UTP20: variants seen among roughly 807,000 people sequenced by gnomAD.
UTP20 encodes the protein small subunit processome component 20 homolog.
UTP20 carries 164 observed loss-of-function variants against 329.5 expected under a neutral mutation model. The ratio of observed to expected loss-of-function variants is 0.50; its 90% CI spans 0.44 to 0.57. The LOEUF is 0.57. Among genes scored for constraint, UTP20 ranks in the 20% least tolerant of loss-of-function variants. The pLI, the probability that UTP20 is intolerant of heterozygous loss-of-function variation, is 0.00. For missense variants in UTP20, 3,055 were observed against 3,284.2 expected (o/e 0.93, Z 1.71); for synonymous variants, 1,151 against 1,159.3 (o/e 0.99, Z 0.14).
At chr12:101,308,155 T>C in intron 17 of UTP20, 30 bp from the exon 18 acceptor site, 1 of 1,492,488 alleles carries the variant, frequency 6.7e-7, no homozygotes, top group Non-Finnish European at 8.9e-7. Context: ...TACTGACTGG[T>C]CTTCTCCATG....
rs1472573086 is a variant in UTP20, at chr12:101,338,112, G to A, written c.3703G>A (p.Val1235Ile). The change falls in exon 30 of 62, where the codon GTT becomes ATT. Residue 1235 changes from valine (V) to isoleucine (I), a missense_variant. By Grantham distance (29) the Val-to-Ile change is conservative. Around this residue, in one of 3 missense-constraint regions of UTP20, gnomAD observed 2,445 missense variants for 2,575.5 expected, o/e 0.95. Transcript: ENST00000261637. ...GHPECDILTNVFAILSAKNLS... is the reference protein window; with the variant it reads ...GHPECDILTNIFAILSAKNLS... ...CCCAGAATGTGATATCCTGACCAAT[G>A]TTTTTGCAATTCTCTCAGCGAAGAA... The A allele has an allele frequency of 6.8e-6, 11 of 1,614,160 alleles. No individual in the cohort carries two copies. Among genetic ancestry groups the A allele is most frequent in the African/African-American group, 5.3e-5 (4 of 75,054 alleles).
intron 17 of UTP20, among the ~76,000 whole-genome samples, chr12:101,307,171 C>T (rs1872662074): frequency 6.7e-6 from 1 of 148,264 alleles, no homozygotes. Flanking sequence ...GAGCGAGACT[C>T]CGTCTCAAAA....
At chr12:101,350,882 G>A (rs541402708) in intron 38 of UTP20, among the ~76,000 whole-genome samples, 2 of 152,204 alleles carry the variant, frequency 1.3e-5, no homozygotes, top group East Asian at 3.9e-4. Flanking sequence ...GCTTTCCTCT[G>A]TGCAGCTCTC....
At chr12:101,305,398 G>A (rs1295945487) in intron 15 of UTP20, among the ~76,000 whole-genome samples, 2 of 151,552 alleles carry the variant, frequency 1.3e-5, no homozygotes, top group Non-Finnish European at 2.9e-5. Context: ...ACTTGCCTGA[G>A]GTTACACTGC....
chr12:101,297,494 T>C (rs1292294745), intron 12 of UTP20, among the ~76,000 whole-genome samples: 3 of 152,198 alleles, frequency 2.0e-5, no homozygotes, highest in African/African-American at 7.2e-5. Context: ...GGGTTACAGG[T>C]TGAGCCACTG....
chr12:101,296,470 C>G (rs1227994), intron 12 of UTP20, among the ~76,000 whole-genome samples: 1 of 151,462 alleles, frequency 6.6e-6, no homozygotes, highest in Non-Finnish European at 1.5e-5. Context: ...ACTCGGGAGG[C>G]TGAGGCAGGA....
chr12:101,363,332 TTTTC>T, intron 44 of UTP20, among the ~76,000 whole-genome samples: 1 of 152,330 alleles, frequency 6.6e-6, no homozygotes, highest in South Asian at 2.1e-4. Context: ...TGTGAAGGAT[TTTTC>T]TTTGTTTCCC....
At chr12:101,369,645 C>A in intron 48 of UTP20, 76 bp from the exon 49 acceptor site, 1 of 742,932 alleles carries the variant, frequency 1.3e-6, no homozygotes. Context: ...TTTAAAGAGT[C>A]TGCATAGCCT....
chr12:101,293,218 C>A lies in UTP20; in HGVS notation c.1224C>A (p.Val408=). The A allele has an allele frequency of 6.2e-7, 1 of 1,613,972 alleles. No individual in the cohort carries two copies. Among genetic ancestry groups the A allele is most frequent in the Non-Finnish European group, 8.5e-7 (1 of 1,179,994 alleles). The change falls in exon 11 of 62, where the codon GTC becomes GTA. Residue 408 remains valine (V), a synonymous_variant. Transcript: ENST00000261637. ...GTTTAATTTTCAGTTTTTCTGAAGT[C>A]ATGTTTGCCATGAAGCAGTTTGAGC... The part of the protein sequence containing the change: ...EKRLIFSFSE[V]MFAMKQFEQL...
At chr12:101,295,749 G>A (rs1872326082) in intron 12 of UTP20, 91 bp downstream of exon 12, 1 of 1,333,426 alleles carries the variant, frequency 7.5e-7, no homozygotes, top group African/African-American at 1.5e-5. Context: ...TGATCTATAT[G>A]TAACAGGAAA....
intron 25 of UTP20, among the ~76,000 whole-genome samples, chr12:101,322,394 T>C (rs1337792590): frequency 6.6e-6 from 1 of 152,226 alleles, no homozygotes; most frequent in Non-Finnish European, 1.5e-5. Flanking sequence ...AATATTTCAC[T>C]CTGTTTTCCA....
chr12:101,285,977 C>A, intron 4 of UTP20, 96 bp downstream of exon 4: 2 of 1,484,556 alleles, frequency 1.3e-6, no homozygotes, highest in South Asian at 1.3e-5. Context: ...ATCAGGTGCT[C>A]ATAATTTAGA....
Position 101,317,648 on chromosome 12 carries a change from G to A in UTP20, c.2723G>A (p.Arg908Lys). The A allele has an allele frequency of 6.2e-7, 1 of 1,610,876 alleles. No individual in the cohort carries two copies. Among genetic ancestry groups the A allele is most frequent in the Non-Finnish European group, 8.5e-7 (1 of 1,178,776 alleles). The change falls in exon 22 of 62, where the codon AGG (arginine) becomes AAG (lysine). Residue 908 changes from arginine (R) to lysine (K), a missense_variant. Around this residue, in one of 3 missense-constraint regions of UTP20, gnomAD observed 2,445 missense variants for 2,575.5 expected, o/e 0.95. Transcript: ENST00000261637. ...QDESSQKKKT[R>K]RAAAKQLIAH... is the part of the protein sequence containing the mutation. ...GAATCCTCACAGAAGAAAAAGACGA[G>A]GAGAGCTGCAGCAAAGTAAGTTCAC...
intron 27 of UTP20, among the ~76,000 whole-genome samples, chr12:101,332,162 A>G (rs1868780028): frequency 6.6e-6 from 1 of 151,792 alleles, no homozygotes; most frequent in Non-Finnish European, 1.5e-5. Flanking sequence ...ACATGGAGAA[A>G]CCCCGTCTCT....
intron 38 of UTP20, among the ~76,000 whole-genome samples, chr12:101,348,806 G>A (rs1869419647): frequency 6.9e-6 from 1 of 144,234 alleles, no homozygotes; most frequent in East Asian, 2.1e-4. Context: ...TAAACACCTG[G>A]CCTCAAGCAA....
At chr12:101,370,026 C>A in intron 49 of UTP20, 135 bp downstream of exon 49, 7 of 720,382 alleles carry the variant, frequency 9.7e-6, no homozygotes, top group South Asian at 2.5e-5. Flanking sequence ...CCAGCTGGGT[C>A]AGCATAACGA....
intron 12 of UTP20, among the ~76,000 whole-genome samples, chr12:101,298,586 A>G (rs1872432188): frequency 1.3e-5 from 2 of 152,158 alleles, no homozygotes; most frequent in African/African-American, 4.8e-5. Flanking sequence ...CTTAAGGAGT[A>G]TGGACTTCAT....
chr12:101,381,088 C>A, intron 57 of UTP20, 52 bp from the exon 58 acceptor site: 2 of 1,466,214 alleles, frequency 1.4e-6, no homozygotes, highest in Non-Finnish European at 1.9e-6. Context: ...TTTTTAAAAA[C>A]AATCAGAAAT....
chr12:101,287,254 G>A (rs1302206171), intron 5 of UTP20, among the ~76,000 whole-genome samples: 2 of 152,138 alleles, frequency 1.3e-5, no homozygotes, highest in Non-Finnish European at 2.9e-5. Flanking sequence ...TTCTCTTTTA[G>A]GAACTTTGAA....
Sources: allele counts gnomAD v4.1 joint callset (sites outside exome capture counted in the v4.1 genomes callset), GRCh38; gene constraint gnomAD v4.1.1; regional missense constraint gnomAD v4.1.1; transcripts MANE v1.5; gene names NCBI Gene and HGNC (gene_info 2026-07-23, HGNC 2026-07-21).